The following RUNDC1 variants were observed in gnomAD, a reference collection of about 807,000 sequenced individuals.
The protein encoded by RUNDC1 is RUN domain containing 1.
A neutral mutation model predicts 49.3 loss-of-function variants in RUNDC1; 31 were observed. That is an observed-to-expected ratio of 0.63 (90% CI 0.47 to 0.85). The LOEUF (loss-of-function observed/expected upper bound fraction) is 0.85, where lower values mean the gene tolerates loss of function less well. RUNDC1 is among the 40% of genes least tolerant of loss of function. The probability of loss-of-function intolerance (pLI) is 0.00; values close to 1 mark genes in which losing one functional copy is unlikely to be tolerated. For synonymous variants in RUNDC1, 347 were observed against 348.6 expected (o/e 1.00, Z 0.05); for missense variants, 715 against 806.7 (o/e 0.89, Z 1.38).
chr17:42,989,663 C>T, intron 3 of RUNDC1, 124 bp downstream of exon 3: 1 of 856,248 alleles, frequency 1.2e-6, no homozygotes, highest in Admixed American at 2.2e-5. Context: ...GGGACAGTGT[C>T]TCTCTCTGTT....
At chr17:42,981,816 T>C (rs1222143360) in intron 1 of RUNDC1, 2 of 152,002 alleles carry the variant, frequency 1.3e-5, no homozygotes, top group African/African-American at 4.8e-5. Context: ...GCTTAATCAT[T>C]AGGCATTCTG....
In RUNDC1 at chr17:42,991,723, T is replaced by A. The variant is rs1325881966; in HGVS notation, c.*7T>A. 1.2e-6 allele frequency: 2 copies of A among 1,604,820 alleles called. No individual in the cohort carries two copies. ...CATCAAAGATGCCTTTTGATGAGAG[T>A]GCCCTAACCCCAGACAAGCTCCTTG... On this transcript the variant is annotated 3_prime_UTR_variant, in exon 5 of 5. Coordinates refer to ENST00000361677, the MANE Select transcript of RUNDC1 (RefSeq NM_173079.5).
At chr17:42,986,425 T>A (rs2050172054) in intron 1 of RUNDC1, among the ~76,000 whole-genome samples, 1 of 152,024 alleles carries the variant, frequency 6.6e-6, no homozygotes, top group African/African-American at 2.4e-5. Flanking sequence ...TGCGTTTGAT[T>A]CTTTTGATTT....
intron 1 of RUNDC1, among the ~76,000 whole-genome samples, chr17:42,986,276 G>T (rs1316271706): frequency 5.9e-5 from 9 of 151,994 alleles, no homozygotes; most frequent in Admixed American, 5.9e-4. Context: ...ACCATGCCCA[G>T]CTAATTTTTA....
Position 42,991,448 on chromosome 17 carries a change from C to G in RUNDC1, c.1574C>G (p.Thr525Arg), listed in dbSNP as rs2050241125. Reference sequence around the variant, plus strand: ...CTGACAGCCATCCACATGGTGCTGACAGAGCATGACCCTTTTAAGCGCAGT... The same window carrying G: ...CTGACAGCCATCCACATGGTGCTGAGAGAGCATGACCCTTTTAAGCGCAGT... ...SLLTAIHMVL[T>R]EHDPFKRSAD... The change falls in exon 5 of 5, where the codon ACA becomes AGA. Residue 525 changes from threonine to arginine, a missense_variant. Thr to Arg is a moderately conservative substitution (Grantham distance 71). Transcript: ENST00000361677. 1 of 1,614,248 alleles carries G rather than the reference C, an allele frequency of 6.2e-7. No homozygotes were observed. Among genetic ancestry groups the G allele is most frequent in the Non-Finnish European group, 8.5e-7 (1 of 1,180,036 alleles).
Position 42,989,393 on chromosome 17 carries a change from TC to T in RUNDC1, c.711del (p.Ser238ValfsTer12), listed in dbSNP as rs2050208808. 6.2e-7 allele frequency: 1 copy of T among 1,613,926 alleles called. No individual in the cohort carries two copies. The highest frequency in any genetic ancestry group is 1.7e-5 in the Admixed American group (1 of 59,986). ...KKLDMNLNED[I>X]SSLSTEELRQ... ...CTGGACATGAATCTGAATGAGGACA[TC>T]AGTTCCCTGTCCACTGAAGAGCTTC... On this transcript the variant is annotated frameshift_variant, in exon 3 of 5. Coordinates refer to ENST00000361677, the MANE Select transcript of RUNDC1 (RefSeq NM_173079.5). LOFTEE classifies it high-confidence loss of function.
intron 1 of RUNDC1, among the ~76,000 whole-genome samples, chr17:42,984,863 T>C (rs1354411496): frequency 6.6e-6 from 1 of 151,556 alleles, no homozygotes; most frequent in Non-Finnish European, 1.5e-5. Context: ...AATTTGTCAT[T>C]CTTTTCTTTT....
intron 1 of RUNDC1, chr17:42,981,915 T>C (rs2050098870): frequency 6.6e-6 from 1 of 152,124 alleles, no homozygotes; most frequent in African/African-American, 2.4e-5. Context: ...GGTAAACGTT[T>C]CCTTACAAGC....
intron 1 of RUNDC1, among the ~76,000 whole-genome samples, chr17:42,982,423 G>T (rs1265050626): frequency 6.6e-6 from 1 of 152,104 alleles, no homozygotes; most frequent in Admixed American, 6.6e-5. Context: ...GTGCAATCCT[G>T]TGTTTACTGT....
At position 42,989,538 on chromosome 17, in the gene RUNDC1, A is replaced by G. The variant is rs1470188087; in HGVS notation, c.855A>G (p.Gln285=). The part of the protein sequence containing the change: ...RDLEMFINFI[Q]DEVGSPLQTG... ...TTGAGATGTTTATCAACTTCATCCA[A>G]GGTTAGAGGAGGGGATGGGATGAGA... The change falls in exon 3 of 5, where the codon CAA becomes CAG. Residue 285 remains glutamine (Q), a splice_region_variant and synonymous_variant. Coordinates refer to ENST00000361677, the MANE Select transcript of RUNDC1 (RefSeq NM_173079.5). 3 of 1,613,366 alleles carry G rather than the reference A, an allele frequency of 1.9e-6. No individual in the cohort carries two copies. The highest frequency in any genetic ancestry group is 2.5e-6 in the Non-Finnish European group (3 of 1,179,394).
Position 42,989,371 on chromosome 17 carries a change from G to A in RUNDC1, c.688G>A (p.Asp230Asn), listed in dbSNP as rs780295121. 6.2e-7 allele frequency: 1 copy of A among 1,614,012 alleles called. No individual in the cohort carries two copies. Among genetic ancestry groups the A allele is most frequent in the Non-Finnish European group, 8.5e-7 (1 of 1,179,998 alleles). ...VIIDELIKKL[D>N]MNLNEDISSL... ...CATAGATGAGTTAATAAAGAAACTG[G>A]ACATGAATCTGAATGAGGACATCAG... The change falls in exon 3 of 5, where the codon GAC becomes AAC. Residue 230 changes from aspartate to asparagine, a missense_variant. Physicochemically the swap from Asp to Asn is conservative, Grantham distance 23. Coordinates refer to ENST00000361677, the MANE Select transcript of RUNDC1 (RefSeq NM_173079.5).
rs1420558713 is a variant in RUNDC1, at chr17:42,993,188, C to T, written c.*1472C>T. ...AGGTGCCACAGGAGGATAGGAACTA[C>T]AGCAGATCGCTGTTTCCAGAACGGG... On this transcript the variant is annotated 3_prime_UTR_variant, in exon 5 of 5. Transcript: ENST00000361677. 1.3e-5 allele frequency: 2 copies of T among 152,198 alleles called. No individual in the cohort carries two copies. The highest frequency in any genetic ancestry group is 2.9e-5 in the Non-Finnish European group (2 of 68,024). The allele number at this position is 152,198 out of a possible 1,614,324, so 9.4% of individuals were successfully genotyped here.
rs2050212099 is a variant in RUNDC1, at chr17:42,989,570, G to A, written c.856+31G>A. ...AGGAGGGGATGGGATGAGAAGGGTGGACAGGTGTCATAATAATTATACTTA... is the reference window on the plus strand; with the variant it reads ...AGGAGGGGATGGGATGAGAAGGGTGAACAGGTGTCATAATAATTATACTTA... On this transcript the variant is annotated intron_variant, in intron 3 of 4. Transcript: ENST00000361677. 2.5e-6 allele frequency: 4 copies of A among 1,575,150 alleles called. No individual in the cohort carries two copies. In the Admixed American group the frequency reaches 6.7e-5, roughly 26 times the overall value.
chr17:42,992,897 G>C lies in RUNDC1; in HGVS notation c.*1181G>C, dbSNP rs2050263375. Reference sequence around the variant, plus strand: ...TCATGGCACAGACAATGGGCTTTCTGTTTATGAGGGGTGAGAAGTGATGTT... The same window carrying C: ...TCATGGCACAGACAATGGGCTTTCTCTTTATGAGGGGTGAGAAGTGATGTT... On this transcript the variant is annotated 3_prime_UTR_variant, in exon 5 of 5. Transcript: ENST00000361677. 6.6e-6 allele frequency: 1 copy of C among 152,182 alleles called. No individual in the cohort carries two copies. The highest frequency in any genetic ancestry group is 1.5e-5 in the Non-Finnish European group (1 of 68,026). 9.4% of individuals were successfully genotyped at this position (152,182 alleles called of 1,614,324 possible). A position where few individuals can be genotyped will look rare whatever the true frequency, so the allele number is the denominator to read the frequency against.
At chr17:42,986,249 G>A (rs1041388353) in intron 1 of RUNDC1, among the ~76,000 whole-genome samples, 4 of 152,008 alleles carry the variant, frequency 2.6e-5, no homozygotes, top group Non-Finnish European at 5.9e-5. Flanking sequence ...AAGTAGCTGG[G>A]ACTACAGGCA....
intron 3 of RUNDC1, 95 bp from the exon 4 acceptor site, chr17:42,990,222 C>A: frequency 1.3e-6 from 2 of 1,498,952 alleles, no homozygotes; most frequent in Non-Finnish European, 1.8e-6. Context: ...TTGTGAAATT[C>A]TTGTTTCTAA....
chr17:42,991,694 A>G lies in RUNDC1; in HGVS notation c.1820A>G (p.Lys607Arg). 2 of 1,613,018 alleles carry G rather than the reference A, an allele frequency of 1.2e-6. No individual in the cohort carries two copies. The highest frequency in any genetic ancestry group is 8.5e-7 in the Non-Finnish European group (1 of 1,179,580). ...GTAGATCTGGCTGTGCGCCAGCTCA[A>G]AAACATCAAAGATGCCTTTTGATGA... ...LPVDLAVRQL[K>R]NIKDAF is the part of the protein sequence containing the mutation. The change falls in exon 5 of 5, where the codon AAA (lysine) becomes AGA (arginine). Residue 607 changes from lysine (K) to arginine (R), a missense_variant. Physicochemically the swap from Lys to Arg is conservative, Grantham distance 26 (BLOSUM62 2). This residue lies in a region of RUNDC1 where 425 missense variants were observed against 499.7 expected (regional missense o/e 0.85). Coordinates refer to ENST00000361677, the MANE Select transcript of RUNDC1 (RefSeq NM_173079.5).
At chr17:42,989,659 G>C in intron 3 of RUNDC1, 120 bp downstream of exon 3, 6 of 904,018 alleles carry the variant, frequency 6.6e-6, no homozygotes, top group African/African-American at 1.7e-5. Flanking sequence ...GGTGGGGACA[G>C]TGTCTCTCTC....
At chr17:42,982,646 C>G (rs1179056065) in intron 1 of RUNDC1, among the ~76,000 whole-genome samples, 1 of 151,922 alleles carries the variant, frequency 6.6e-6, no homozygotes, top group African/African-American at 2.4e-5. Flanking sequence ...TTTCATGTAC[C>G]CCATAAATAT....
Sources: gnomAD v4.1 joint callset for allele counts (sites outside exome capture counted in the v4.1 genomes callset) on GRCh38, gnomAD v4.1.1 for gene constraint, gnomAD v4.1.1 regional missense constraint, MANE v1.5 for transcripts, NCBI Gene and HGNC (gene_info 2026-07-23, HGNC 2026-07-21) for gene names.